The following KIAA1549 variants were observed in gnomAD, a reference collection of about 807,000 sequenced individuals.
KIAA1549 encodes the protein UPF0606 protein KIAA1549.
KIAA1549 carries 70 observed loss-of-function variants against 156.4 expected under a neutral mutation model. That is an observed-to-expected ratio of 0.45 (90% confidence interval 0.37 to 0.55). The LOEUF is 0.55. Among genes scored for constraint, KIAA1549 ranks in the 20% least tolerant of loss-of-function variants. KIAA1549 has a pLI of 0.00. For missense variants in KIAA1549, 2,428 were observed against 2,540.9 expected (o/e 0.96, Z 0.96); for synonymous variants, 1,103 against 1,066.4 (o/e 1.03, Z -0.67).
intron 17 of KIAA1549, 41 bp from the exon 18 acceptor site, chr7:138,844,515 C>A: frequency 6.8e-7 from 1 of 1,479,550 alleles, no homozygotes; most frequent in Non-Finnish European, 9.0e-7. Context: ...CTCCACTGCA[C>A]CCTGGCCTTG....
At position 138,834,132 on chromosome 7, in the gene KIAA1549, G is replaced by A. The variant is rs1809631947; in HGVS notation, c.*3774C>T. The A allele has an allele frequency of 9.3e-6, 2 of 214,706 alleles. No individual in the cohort carries two copies. Among genetic ancestry groups the A allele is most frequent in the Non-Finnish European group, 1.9e-5 (2 of 106,398 alleles). 13.3% of individuals were successfully genotyped at this position (214,706 alleles called of 1,614,324 possible). ...CATTTCCAAACATGCAACTTCTTCT[G>A]GGTGCCTAATTCATTTATGTCTTTT... On this transcript the variant is annotated 3_prime_UTR_variant, in exon 20 of 20. Transcript: ENST00000422774.
rs148152731 is a variant in KIAA1549 at position 138,839,913 on chromosome 7, A to G, written c.5598+220T>C. Among the ~76,000 whole-genome samples, 856 of 145,358 alleles carry G rather than the reference A, an allele frequency of 5.9e-3. 8 individuals carry two copies. Among genetic ancestry groups the G allele is most frequent in the African/African-American group, 0.021 (810 of 39,478 alleles). On this transcript the variant is annotated intron_variant, in intron 19 of 19. Transcript: ENST00000422774. ...AGTGATTCTCTTGCCTCAGCCTCCC[A>G]AGTAGCTGGGACTACCAGCACCCGT...
chr7:138,949,850 C>T (rs1813442330), intron 1 of KIAA1549, among the ~76,000 whole-genome samples: 1 of 152,220 alleles, frequency 6.6e-6, no homozygotes, highest in South Asian at 2.1e-4. Context: ...GAGCCAACCC[C>T]AGCAGGGGCC....
At chr7:138,886,748 CAGG>C (rs1432212891) in intron 10 of KIAA1549, among the ~76,000 whole-genome samples, 3 of 152,186 alleles carry the variant, frequency 2.0e-5, no homozygotes, top group Non-Finnish European at 4.4e-5. Flanking sequence ...GCTCCTGTTA[CAGG>C]AGTACACCAC....
In KIAA1549 at chr7:138,901,785, C is replaced by T. The variant is rs890039653; in HGVS notation, c.3669+1803G>A. On this transcript the variant is annotated intron_variant, in intron 8 of 19. Coordinates refer to ENST00000422774, the MANE Select transcript of KIAA1549 (RefSeq NM_001164665.2). ...CTTTTACAAATTAAGTTTTGATAAA[C>T]AGCCATGTAACACTGTACACAAATC... Among the ~76,000 whole-genome samples, 9 of 152,166 alleles carry T rather than the reference C, an allele frequency of 5.9e-5. No homozygotes were observed. In the South Asian group the frequency reaches 6.2e-4, roughly 11 times the overall value.
chr7:138,838,070 T>C lies in KIAA1549; in HGVS notation c.5689A>G (p.Asn1897Asp), dbSNP rs754506934. 1 of 1,592,480 alleles carries C rather than the reference T, an allele frequency of 6.3e-7. No individual in the cohort carries two copies. The highest frequency in any genetic ancestry group is 2.3e-5 in the East Asian group (1 of 44,116). ...CCCTGCAGTCCCCGGTGGGGGAGGT[T>C]CCCGGAAGGAGCTGAGGGCTCCCTG... is the stretch of plus-strand genomic sequence containing the variant. ...SGREPSAPSG[N>D]LPHRGLQGPG... is the part of the protein sequence containing the mutation. Residue 1897 changes from asparagine (N) to aspartate (D), a missense_variant, in exon 20 of 20, where the codon AAC (asparagine) becomes GAC (aspartate). Physicochemically the swap from Asn to Asp is conservative, Grantham distance 23 (BLOSUM62 1). Around this residue, in one of 5 missense-constraint regions of KIAA1549, gnomAD observed 363 missense variants for 354.0 expected, o/e 1.03. Coordinates refer to ENST00000422774, the MANE Select transcript of KIAA1549 (RefSeq NM_001164665.2).
Position 138,918,319 on chromosome 7 carries a change from C to A in KIAA1549, c.1307G>T (p.Ser436Ile), listed in dbSNP as rs1812416164. The A allele has an allele frequency of 6.2e-7, 1 of 1,613,876 alleles. No homozygotes were observed. Among genetic ancestry groups the A allele is most frequent in the African/African-American group, 1.3e-5 (1 of 74,922 alleles). Residue 436 changes from serine to isoleucine, a missense_variant, in exon 2 of 20, where the codon AGC (serine) becomes ATC (isoleucine). Coordinates refer to ENST00000422774, the MANE Select transcript of KIAA1549 (RefSeq NM_001164665.2). The surrounding 1 kb of genome is among the most constrained non-coding windows in gnomAD (Gnocchi z 4.2). Reference sequence around the variant, plus strand: ...TGATCCCACGTCTTTCTCCATGAGGCTCGTGGCCAGAACTTGCTGAGGTGA... The same window carrying A: ...TGATCCCACGTCTTTCTCCATGAGGATCGTGGCCAGAACTTGCTGAGGTGA... ...VPSPQQVLAT[S>I]LMEKDVGSGD...
chr7:138,961,457 C>T (rs1813844838), intron 1 of KIAA1549, among the ~76,000 whole-genome samples: 1 of 152,132 alleles, frequency 6.6e-6, no homozygotes, highest in Admixed American at 6.6e-5. Context: ...GCTTTCCCTA[C>T]CCTGCCACGA....
At position 138,894,508 on chromosome 7, in the gene KIAA1549, C is replaced by T; in HGVS notation, c.3866G>A (p.Arg1289Lys). 4 of 1,613,976 alleles carry T rather than the reference C, an allele frequency of 2.5e-6. No individual in the cohort carries two copies. The highest frequency in any genetic ancestry group is 3.4e-6 in the Non-Finnish European group (4 of 1,179,874). The part of the protein sequence containing the change: ...VIAQPVDRVK[R>K]PSPESQSNNL... ...GTTGCTCTGGGATTCCGGAGACGGC[C>T]TCTTCACCCTGTCGACAGCTGCAGA... Residue 1289 changes from arginine to lysine, a missense_variant, in exon 10 of 20, where the codon AGG (arginine) becomes AAG (lysine). Arg to Lys is a conservative substitution (Grantham distance 26, BLOSUM62 2). Around this residue, in one of 5 missense-constraint regions of KIAA1549, gnomAD observed 762 missense variants for 901.6 expected, o/e 0.85. Transcript: ENST00000422774.
At chr7:138,860,147 T>C (rs1810530404) in intron 16 of KIAA1549, among the ~76,000 whole-genome samples, 1 of 152,250 alleles carries the variant, frequency 6.6e-6, no homozygotes, top group Non-Finnish European at 1.5e-5. Context: ...TGAAATATTA[T>C]AAACCACCAG....
At chr7:138,859,204 G>C (rs577296237) in intron 16 of KIAA1549, among the ~76,000 whole-genome samples, 7 of 152,246 alleles carry the variant, frequency 4.6e-5, no homozygotes, top group African/African-American at 1.7e-4. Flanking sequence ...GCCAGAGAGA[G>C]ATCTCTGGAG....
At chr7:138,973,013 G>A (rs894350972) in intron 1 of KIAA1549, among the ~76,000 whole-genome samples, 1 of 152,046 alleles carries the variant, frequency 6.6e-6, no homozygotes, top group African/African-American at 2.4e-5. Context: ...GTAATGGCGG[G>A]TTTTCACCAT....
At chr7:138,958,882 GT>G (rs149890898) in intron 1 of KIAA1549, among the ~76,000 whole-genome samples, 73 of 150,260 alleles carry the variant, frequency 4.9e-4, no homozygotes, top group African/African-American at 1.7e-3. Flanking sequence ...TAGCCCAAAG[GT>G]TTTTTTTTTG....
At chr7:138,955,576 G>A (rs1398480725) in intron 1 of KIAA1549, among the ~76,000 whole-genome samples, 2 of 140,528 alleles carry the variant, frequency 1.4e-5, no homozygotes, top group Non-Finnish European at 3.1e-5. Flanking sequence ...CAGGGTGAAA[G>A]TATATCATGG....
chr7:138,926,087 A>G (rs1253490953), intron 1 of KIAA1549, among the ~76,000 whole-genome samples: 1 of 152,148 alleles, frequency 6.6e-6, no homozygotes, highest in African/African-American at 2.4e-5. Context: ...TCATCCAGAC[A>G]GAAACATTAC....
chr7:138,979,353 T>G (rs933634988), intron 1 of KIAA1549, among the ~76,000 whole-genome samples: 2 of 152,172 alleles, frequency 1.3e-5, no homozygotes, highest in African/African-American at 4.8e-5. Flanking sequence ...CTCCACAACC[T>G]CTGCAGTACA....
intron 9 of KIAA1549, 39 bp from the exon 10 acceptor site, chr7:138,894,565 T>C: frequency 1.2e-6 from 2 of 1,601,108 alleles, no homozygotes; most frequent in Non-Finnish European, 1.7e-6. Flanking sequence ...TAATTCCTTC[T>C]TCACTCATGC....
At chr7:138,896,183 A>C (rs1811679743) in intron 9 of KIAA1549, among the ~76,000 whole-genome samples, 1 of 152,206 alleles carries the variant, frequency 6.6e-6, no homozygotes, top group South Asian at 2.1e-4. Flanking sequence ...CTTTTCAAAA[A>C]CATCTTAGTT....
Position 138,920,755 on chromosome 7 carries a change from G to A in KIAA1549, c.188-1317C>T, listed in dbSNP as rs145556712. ...CTATCAAAATGCATAACAACACCTC[G>A]TTTCTCTAATCCCAACAGTCTATCA... On this transcript the variant is annotated intron_variant, in intron 1 of 19. Coordinates refer to ENST00000422774, the MANE Select transcript of KIAA1549 (RefSeq NM_001164665.2). 5.9e-5 allele frequency among the ~76,000 whole-genome samples: 9 copies of A among 152,248 alleles called. No homozygotes were observed. In the East Asian group the frequency reaches 9.6e-4, roughly 16 times the overall value.
Sources: gnomAD v4.1 joint callset for allele counts (sites outside exome capture counted in the v4.1 genomes callset) on GRCh38, gnomAD v4.1.1 for gene constraint, gnomAD v4.1.1 regional missense constraint, Gnocchi (gnomAD v3.1) non-coding constraint, MANE v1.5 for transcripts, NCBI Gene and HGNC (gene_info 2026-07-23, HGNC 2026-07-21) for gene names.